Variants in PLSCR2 observed in about 807,000 individuals in gnomAD.
PLSCR2 encodes the protein PL scramblase 2.
Under a neutral mutation model 25.3 loss-of-function variants are expected in PLSCR2, and 18 were observed. That is an observed-to-expected ratio of 0.71 (90% CI 0.49 to 1.06). The LOEUF (loss-of-function observed/expected upper bound fraction) is 1.06. PLSCR2 is among the 50% of genes least tolerant of loss of function. The pLI is 0.00. For synonymous variants in PLSCR2, 88 were observed against 87.3 expected (o/e 1.01, Z -0.04); for missense variants, 243 against 269.5 (o/e 0.90, Z 0.69).
At chr3:146,412,951 G>T (rs1214565971) in intron 2 of PLSCR2, among the ~76,000 whole-genome samples, 1 of 152,190 alleles carries the variant, frequency 6.6e-6, no homozygotes, top group Non-Finnish European at 1.5e-5. Context: ...ATTAGAACTG[G>T]CAGGAAAGTT....
chr3:146,453,934 T>G, intron 5 of PLSCR2, 68 bp downstream of exon 5: 1 of 1,297,810 alleles, frequency 7.7e-7, no homozygotes, highest in South Asian at 1.6e-5. Flanking sequence ...AAGGCATTCA[T>G]AATATTCTGC....
intron 1 of PLSCR2, among the ~76,000 whole-genome samples, chr3:146,480,798 C>T (rs1489291013): frequency 6.6e-6 from 1 of 151,742 alleles, no homozygotes; most frequent in Non-Finnish European, 1.5e-5. Context: ...AATTTTAGAC[C>T]AAAATCCCTG....
chr3:146,460,356 T>C, exon 1 of PLSCR2: 1 of 343,226 alleles, frequency 2.9e-6, no homozygotes, highest in Non-Finnish European at 4.5e-6. Context: ...CTTTTATACC[T>C]GTGAAAGTGA....
At chr3:146,402,632 T>A (rs1194855928) in intron 2 of PLSCR2, among the ~76,000 whole-genome samples, 1 of 152,074 alleles carries the variant, frequency 6.6e-6, no homozygotes, top group Non-Finnish European at 1.5e-5. Context: ...CATACCCAGC[T>A]AATTTTTTGG....
chr3:146,467,613 A>C (rs900325529), intron 1 of PLSCR2, among the ~76,000 whole-genome samples: 1 of 151,568 alleles, frequency 6.6e-6, no homozygotes, highest in African/African-American at 2.4e-5. Context: ...TTTATTATAA[A>C]TATATTATGG....
chr3:146,467,229 C>T (rs1164656656), intron 1 of PLSCR2, among the ~76,000 whole-genome samples: 1 of 152,054 alleles, frequency 6.6e-6, no homozygotes, highest in South Asian at 2.1e-4. Flanking sequence ...GAATATTGAT[C>T]AACTAGACCC....
chr3:146,427,160 C>A (rs901154183), intron 2 of PLSCR2, among the ~76,000 whole-genome samples: 2 of 152,178 alleles, frequency 1.3e-5, no homozygotes, highest in Non-Finnish European at 2.9e-5. Context: ...CACATCAATT[C>A]ACCCTGTAAA....
chr3:146,419,568 T>C (rs375690130), intron 2 of PLSCR2, among the ~76,000 whole-genome samples: 8 of 152,272 alleles, frequency 5.3e-5, no homozygotes, highest in African/African-American at 1.9e-4. Flanking sequence ...ACATGTATGA[T>C]ATTACAGTTA....
intron 2 of PLSCR2, among the ~76,000 whole-genome samples, chr3:146,419,847 T>C (rs756190320): frequency 6.6e-6 from 1 of 152,072 alleles, no homozygotes. Flanking sequence ...CAATACAAGA[T>C]AATTTCTCCA....
At chr3:146,411,751 AAGGGG>A (rs1232300050) in intron 2 of PLSCR2, among the ~76,000 whole-genome samples, 1 of 152,228 alleles carries the variant, frequency 6.6e-6, no homozygotes, top group African/African-American at 2.4e-5. Flanking sequence ...TTGGTTTAGA[AAGGGG>A]AGGGGGTCTA....
chr3:146,423,282 T>TAC (rs2039222358), intron 2 of PLSCR2, among the ~76,000 whole-genome samples: 2 of 100,962 alleles, frequency 2.0e-5, no homozygotes, highest in South Asian at 7.3e-4. Context: ...TCTCTCTCTC[T>TAC]CCCTGGCTAG....
chr3:146,489,694 C>T (rs975375582), intron 1 of PLSCR2, among the ~76,000 whole-genome samples: 5 of 152,084 alleles, frequency 3.3e-5, no homozygotes, highest in African/African-American at 1.2e-4. Context: ...ATAAAGAATA[C>T]TTGTTTGCCT....
intron 1 of PLSCR2, among the ~76,000 whole-genome samples, chr3:146,489,179 G>A (rs2043455716): frequency 6.6e-6 from 1 of 152,032 alleles, no homozygotes; most frequent in African/African-American, 2.4e-5. Flanking sequence ...CAGTAGTAGG[G>A]GAGATAGCAT....
At chr3:146,411,691 G>A (rs34198003) in intron 2 of PLSCR2, among the ~76,000 whole-genome samples, 78,510 of 151,594 alleles carry the variant, frequency 0.52, 20,622 homozygotes, top group South Asian at 0.7. Flanking sequence ...GACAGCTAAT[G>A]CTCAAAATTC....
At chr3:146,489,853 C>A (rs1032824029) in intron 1 of PLSCR2, among the ~76,000 whole-genome samples, 1 of 152,040 alleles carries the variant, frequency 6.6e-6, no homozygotes, top group Admixed American at 6.6e-5. Context: ...GTAGGCAATA[C>A]ATTTATGATT....
In PLSCR2 at chr3:146,469,486, C is replaced by T. The variant is rs2042021031; in HGVS notation, c.-292-9202G>A. The T allele has an allele frequency of 1.0e-6, 1 of 982,532 alleles. No individual in the cohort carries two copies. The highest frequency in any genetic ancestry group is 4.7e-5 in the South Asian group (1 of 21,220). 60.9% of individuals were successfully genotyped at this position (982,532 alleles called of 1,614,324 possible). A position where few individuals can be genotyped will look rare whatever the true frequency, so the allele number is the denominator to read the frequency against. ...CATAGGGAGGCGACTGAGAAAGCCGCCCCCTTACCCGTGGCTGCAGCTGCT... is the reference window on the plus strand; with the variant it reads ...CATAGGGAGGCGACTGAGAAAGCCGTCCCCTTACCCGTGGCTGCAGCTGCT... On this transcript the variant is annotated intron_variant, in intron 1 of 8. Transcript: ENST00000336685.
chr3:146,394,628 G>C (rs187624037), intron 3 of PLSCR2, among the ~76,000 whole-genome samples: 9 of 152,274 alleles, frequency 5.9e-5, no homozygotes, highest in Non-Finnish European at 1.2e-4. Context: ...ATGTCATTTT[G>C]TTAAATGTTG....
intron 1 of PLSCR2, among the ~76,000 whole-genome samples, chr3:146,493,878 T>G (rs139164253): frequency 1.9e-3 from 281 of 150,452 alleles, no homozygotes; most frequent in African/African-American, 6.5e-3. Context: ...ATAGACATTA[T>G]GTTGACATTA....
chr3:146,469,046 G>A, intron 1 of PLSCR2: 2 of 784,866 alleles, frequency 2.5e-6, no homozygotes, highest in Non-Finnish European at 3.1e-6. Context: ...TTCCTAAGCT[G>A]GTATTGTAGA....
Sources: gnomAD v4.1 joint callset for allele counts (sites outside exome capture counted in the v4.1 genomes callset) on GRCh38, gnomAD v4.1.1 for gene constraint, MANE v1.5 for transcripts, NCBI Gene and HGNC (gene_info 2026-07-23, HGNC 2026-07-21) for gene names.